ACER3: variants seen among roughly 807,000 people sequenced by gnomAD.
ACER3 encodes the protein alkaline ceramidase 3.
Under a neutral mutation model 48.9 loss-of-function variants are expected in ACER3, and 16 were observed. The observed-to-expected ratio is 0.33, with a 90% CI of 0.22 to 0.50. The LOEUF is 0.50. ACER3 is among the 20% of genes least tolerant of loss of function. The pLI is 0.98. For missense variants in ACER3, 227 were observed against 326.0 expected, an observed-to-expected ratio of 0.70 and a Z score of 2.34; for synonymous variants, 109 against 107.8, an observed-to-expected ratio of 1.01 and a Z score of -0.07.
chr11:77,002,004 T>G (rs1949042287), intron 7 of ACER3, among the ~76,000 whole-genome samples: 1 of 152,104 alleles, frequency 6.6e-6, no homozygotes, highest in Non-Finnish European at 1.5e-5. Context: ...AGAGAAGGTG[T>G]TCATTTGGTC....
chr11:76,865,985 T>G (rs1372395344), intron 1 of ACER3, among the ~76,000 whole-genome samples: 1 of 146,624 alleles, frequency 6.8e-6, no homozygotes, highest in Non-Finnish European at 1.5e-5. Flanking sequence ...CTAATTTTTG[T>G]TTTTTGTTTT....
At chr11:76,880,235 C>G (rs1040469195) in intron 1 of ACER3, among the ~76,000 whole-genome samples, 16 of 152,092 alleles carry the variant, frequency 1.1e-4, no homozygotes, top group African/African-American at 3.6e-4. Context: ...GAGACGGAAG[C>G]TTAAAACACT....
At chr11:76,898,043 T>G (rs1006659387) in intron 1 of ACER3, among the ~76,000 whole-genome samples, 9 of 150,768 alleles carry the variant, frequency 6.0e-5, no homozygotes, top group African/African-American at 2.2e-4. Context: ...GAAGCTGACT[T>G]TTTTTTTTAA....
Position 76,930,209 on chromosome 11 carries a change from C to G in ACER3, c.214+3542C>G, listed in dbSNP as rs183144074. ...TTAGTCTTGGGAGAGTGTATGTGTC[C>G]AGGAATTTATCCATTTCTTCTAGAT... On this transcript the variant is annotated intron_variant, in intron 2 of 10. Coordinates refer to ENST00000532485, the MANE Select transcript of ACER3 (RefSeq NM_018367.7). Among the ~76,000 whole-genome samples the G allele has an allele frequency of 6.0e-3, 918 of 152,208 alleles. 7 individuals are homozygous for G. Among genetic ancestry groups the G allele is most frequent in the Non-Finnish European group, 6.1e-3 (415 of 68,008 alleles).
rs1416031821 is a variant in ACER3 at position 76,959,022 on chromosome 11, T to C, written c.258T>C (p.Tyr86=). 17 of 1,614,046 alleles carry C rather than the reference T, an allele frequency of 1.1e-5. No homozygotes were observed. In the South Asian group the frequency reaches 1.5e-4, roughly 15 times the overall value. The change falls in exon 3 of 11, where the codon TAT becomes TAC. Residue 86 remains tyrosine, a synonymous_variant. Coordinates refer to ENST00000532485, the MANE Select transcript of ACER3 (RefSeq NM_018367.7). Reference sequence around the variant, plus strand: ...GGTGCTTCCACATGACTCTGAAATATGAAATGCAGGTTAGTAATGATGAAA... The same window carrying C: ...GGTGCTTCCACATGACTCTGAAATACGAAATGCAGGTTAGTAATGATGAAA... ...GSWCFHMTLK[Y]EMQLLDELPM...
chr11:77,022,955 C>A lies in ACER3; in HGVS notation c.*2628C>A. 2.6e-6 allele frequency: 1 copy of A among 390,204 alleles called. No individual in the cohort carries two copies. The highest frequency in any genetic ancestry group is 4.5e-6 in the Non-Finnish European group (1 of 221,656). The allele number at this position is 390,204 out of a possible 1,614,324, so 24.2% of individuals were successfully genotyped here. Reference sequence around the variant, plus strand: ...TTTGCTTGCACATCTGAATATCCTTCTTGTGCCTCCATTTTCACTCTTGAA... The same window carrying A: ...TTTGCTTGCACATCTGAATATCCTTATTGTGCCTCCATTTTCACTCTTGAA... On this transcript the variant is annotated 3_prime_UTR_variant, in exon 11 of 11. Coordinates refer to ENST00000532485, the MANE Select transcript of ACER3 (RefSeq NM_018367.7).
At chr11:76,863,729 G>T (rs760846943) in intron 1 of ACER3, among the ~76,000 whole-genome samples, 3 of 152,138 alleles carry the variant, frequency 2.0e-5, no homozygotes, top group African/African-American at 7.2e-5. Context: ...ACTTTGCTAA[G>T]CACTTCATAT....
At chr11:76,928,248 A>G (rs929227693) in intron 2 of ACER3, among the ~76,000 whole-genome samples, 10 of 152,320 alleles carry the variant, frequency 6.6e-5, no homozygotes, top group Admixed American at 3.9e-4. Flanking sequence ...TTTGGGCTGC[A>G]TAAATGTCTT....
At chr11:76,980,200 T>C (rs1948553518) in intron 4 of ACER3, among the ~76,000 whole-genome samples, 1 of 152,010 alleles carries the variant, frequency 6.6e-6, no homozygotes, top group South Asian at 2.1e-4. Flanking sequence ...AGAGATTGGC[T>C]CTTGAGCCAT....
chr11:77,018,517 C>CT (rs1555023788), intron 9 of ACER3, among the ~76,000 whole-genome samples: 1 of 152,182 alleles, frequency 6.6e-6, no homozygotes, highest in Admixed American at 6.5e-5. Context: ...AATGATTAAG[C>CT]TTAGTGAGGA....
intron 1 of ACER3, among the ~76,000 whole-genome samples, chr11:76,872,698 A>G (rs1945271566): frequency 1.3e-5 from 2 of 152,122 alleles, no homozygotes; most frequent in African/African-American, 4.8e-5. Context: ...ACTTCTCCAA[A>G]CAAAAAGTTT....
rs1949496159 is a variant in ACER3 at position 77,022,952 on chromosome 11, C to T, written c.*2625C>T. 2.6e-6 allele frequency: 1 copy of T among 392,138 alleles called. No individual in the cohort carries two copies. Among genetic ancestry groups the T allele is most frequent in the East Asian group, 3.6e-5 (1 of 27,712 alleles). 24.3% of individuals were successfully genotyped at this position (392,138 alleles called of 1,614,324 possible). A position where few individuals can be genotyped will look rare whatever the true frequency, so the allele number is the denominator to read the frequency against. ...CAATTTGCTTGCACATCTGAATATC[C>T]TTCTTGTGCCTCCATTTTCACTCTT... On this transcript the variant is annotated 3_prime_UTR_variant, in exon 11 of 11. Coordinates refer to ENST00000532485, the MANE Select transcript of ACER3 (RefSeq NM_018367.7).
intron 1 of ACER3, chr11:76,868,330 C>G: frequency 9.7e-6 from 12 of 1,233,744 alleles, no homozygotes; most frequent in Non-Finnish European, 1.2e-5. Flanking sequence ...GAATGAAGGC[C>G]AAATGAAAGG....
rs577995285 is a variant in ACER3, at chr11:76,977,552, A to C, written c.320+1211A>C. On this transcript the variant is annotated intron_variant, in intron 4 of 10. Transcript: ENST00000532485. Reference sequence around the variant, plus strand: ...AATGTTGGACAAGTATGTTAAGAATATGTGTTTGGAGGGGCAAAAAAATTA... The same window carrying C: ...AATGTTGGACAAGTATGTTAAGAATCTGTGTTTGGAGGGGCAAAAAAATTA... Among the ~76,000 whole-genome samples the C allele has an allele frequency of 3.9e-4, 60 of 152,318 alleles. No homozygotes were observed. The Middle Eastern group carries it at 0.014, about 35-fold the overall frequency.
At chr11:76,978,954 G>A (rs946190398) in intron 4 of ACER3, among the ~76,000 whole-genome samples, 1 of 152,244 alleles carries the variant, frequency 6.6e-6, no homozygotes, top group Non-Finnish European at 1.5e-5. Context: ...GTGCCTGGCT[G>A]TGCACAGTGG....
intron 1 of ACER3, among the ~76,000 whole-genome samples, chr11:76,908,033 C>G (rs556858126): frequency 6.6e-6 from 1 of 152,102 alleles, no homozygotes; most frequent in Non-Finnish European, 1.5e-5. Context: ...GTCAGGGGTT[C>G]GAGACCAGCC....
At chr11:77,020,198 C>A in intron 10 of ACER3, 76 bp from the exon 11 acceptor site, 1 of 1,500,428 alleles carries the variant, frequency 6.7e-7, no homozygotes, top group Non-Finnish European at 9.2e-7. Flanking sequence ...CCCATGGATT[C>A]TTTCTCATTC....
rs34786738 is a variant in ACER3, at chr11:76,975,874, CTTT to C, written c.268-394_268-392del. Among the ~76,000 whole-genome samples, 720 of 82,742 alleles carry C rather than the reference CTTT, an allele frequency of 8.7e-3. 4 individuals are homozygous for C. The highest frequency in any genetic ancestry group is 0.023 in the African/African-American group (516 of 22,430). 54.3% of individuals were successfully genotyped at this position (82,742 alleles called of 152,430 possible). A position where few individuals can be genotyped will look rare whatever the true frequency, so the allele number is the denominator to read the frequency against. On this transcript the variant is annotated intron_variant, in intron 3 of 10. Coordinates refer to ENST00000532485, the MANE Select transcript of ACER3 (RefSeq NM_018367.7). Reference sequence around the variant, plus strand: ...AAGAGCTGAAACCTTTTTTTCTTTTCTTTTTTTTTTTTTTTTTTTTTTTGAGAC... The same window carrying C: ...AAGAGCTGAAACCTTTTTTTCTTTTCTTTTTTTTTTTTTTTTTTTTGAGAC...
At chr11:76,888,104 T>G (rs1565160049) in intron 1 of ACER3, among the ~76,000 whole-genome samples, 4 of 152,130 alleles carry the variant, frequency 2.6e-5, no homozygotes, top group Non-Finnish European at 5.9e-5. Context: ...ATAGCCTGAC[T>G]TGCTTATTAT....
Sources: gnomAD v4.1 joint callset for allele counts (sites outside exome capture counted in the v4.1 genomes callset) on GRCh38, gnomAD v4.1.1 for gene constraint, MANE v1.5 for transcripts, NCBI Gene and HGNC (gene_info 2026-07-23, HGNC 2026-07-21) for gene names.